MORN5: variants seen among roughly 807,000 people sequenced by gnomAD.
MORN5 encodes MORN repeat containing 5.
Under a neutral mutation model 22.1 loss-of-function variants are expected in MORN5, and 21 were observed. That is an observed-to-expected ratio of 0.95 (90% CI 0.67 to 1.37). The LOEUF is 1.37. Ranked by LOEUF, MORN5 falls within the 40% of genes most tolerant of loss-of-function variation. The pLI is 0.00. For missense variants in MORN5, 211 were observed against 215.1 expected (o/e 0.98, Z 0.12); for synonymous variants, 73 against 74.0 (o/e 0.99, Z 0.07).
chr9:122,199,384 C>T (rs2118796008), intron 4 of MORN5, among the ~76,000 whole-genome samples: 1 of 152,316 alleles, frequency 6.6e-6, no homozygotes, highest in South Asian at 2.1e-4. Flanking sequence ...CTGCCCCTCT[C>T]CGTTCCCCAC....
At chr9:122,160,862 T>C (rs1829186785) in intron 1 of MORN5, among the ~76,000 whole-genome samples, 1 of 152,166 alleles carries the variant, frequency 6.6e-6, no homozygotes, top group Admixed American at 6.5e-5. Context: ...AGTGATCCTC[T>C]TGCATGAGCC....
Position 122,159,987 on chromosome 9 carries a change from G to A in MORN5, c.15G>A (p.Gly5=). ...AAACAGGCGCCATGGAGTACACAGG[G>A]AGCAAATATATCGGGGAATATGTAG... MEYT[G]SKYIGEYVDG... The change falls in exon 1 of 5, where the codon GGG becomes GGA. Residue 5 remains glycine (G), a synonymous_variant. Transcript: ENST00000373764. The A allele has an allele frequency of 6.2e-7, 1 of 1,614,070 alleles. No homozygotes were observed. The highest frequency in any genetic ancestry group is 8.5e-7 in the Non-Finnish European group (1 of 1,179,998).
At chr9:122,196,744 A>G (rs1829901822) in intron 4 of MORN5, among the ~76,000 whole-genome samples, 1 of 152,140 alleles carries the variant, frequency 6.6e-6, no homozygotes, top group Admixed American at 6.5e-5. Flanking sequence ...CAGGGCTATT[A>G]TTCACATTTC....
intron 4 of MORN5, among the ~76,000 whole-genome samples, chr9:122,176,096 C>CGACAGAGCA (rs1829447685): frequency 7.4e-6 from 1 of 134,364 alleles, no homozygotes; most frequent in Non-Finnish European, 1.5e-5. Flanking sequence ...CCAGCCTGGG[C>CGACAGAGCA]GACAGAGCAA....
chr9:122,189,649 C>T (rs1236894674), intron 4 of MORN5, among the ~76,000 whole-genome samples: 2 of 152,026 alleles, frequency 1.3e-5, no homozygotes, highest in African/African-American at 4.8e-5. Flanking sequence ...CTCTGTCGCC[C>T]AGGCTGGAGT....
At position 122,190,421 on chromosome 9, in the gene MORN5, G is replaced by T. The variant is rs138200875; in HGVS notation, c.440-9464G>T. 5.9e-3 allele frequency among the ~76,000 whole-genome samples: 900 copies of T among 152,348 alleles called. 9 individuals are homozygous for T. Among genetic ancestry groups the T allele is most frequent in the African/African-American group, 0.021 (873 of 41,584 alleles). ...GCATACTGGAGAATTCTCGAAAAAT[G>T]AGGAAATTGAGCCTACAATTGGATT... is the stretch of plus-strand genomic sequence containing the variant. On this transcript the variant is annotated intron_variant, in intron 4 of 4. Coordinates refer to ENST00000373764, the MANE Select transcript of MORN5 (RefSeq NM_198469.4).
At chr9:122,168,099 C>T (rs1227985150) in intron 2 of MORN5, among the ~76,000 whole-genome samples, 2 of 152,214 alleles carry the variant, frequency 1.3e-5, no homozygotes, top group African/African-American at 4.8e-5. Context: ...TCCCTCTTGC[C>T]ATGTAAAGTA....
In MORN5 at chr9:122,166,791, T is replaced by A; in HGVS notation, c.71T>A (p.Ile24Asn). The change falls in exon 2 of 5, where the codon ATC (isoleucine) becomes AAC (asparagine). Residue 24 changes from isoleucine (I) to asparagine (N), a missense_variant. Physicochemically the swap from Ile to Asn is moderately radical, Grantham distance 149. Coordinates refer to ENST00000373764, the MANE Select transcript of MORN5 (RefSeq NM_198469.4). Reference sequence around the variant, plus strand: ...AGGATGGAGGGCAAAGCCAAGTACATCCTCCCTACCGAAACAATATATGTT... The same window carrying A: ...AGGATGGAGGGCAAAGCCAAGTACAACCTCCCTACCGAAACAATATATGTT... ...DGRMEGKAKY[I>N]LPTETIYVGE... is the part of the protein sequence containing the mutation. 1 of 1,613,590 alleles carries A rather than the reference T, an allele frequency of 6.2e-7. No individual in the cohort carries two copies. The highest frequency in any genetic ancestry group is 8.5e-7 in the Non-Finnish European group (1 of 1,179,822).
chr9:122,175,030 C>T (rs1231574263), intron 4 of MORN5: 5 of 229,956 alleles, frequency 2.2e-5, no homozygotes, highest in African/African-American at 1.2e-4. Flanking sequence ...CAGAGAAGTA[C>T]TATAAACAGT....
rs1450675983 is a variant in MORN5 at position 122,179,163 on chromosome 9, A to G, written c.439+4536A>G. Among the ~76,000 whole-genome samples the G allele has an allele frequency of 5.3e-5, 8 of 152,204 alleles. No homozygotes were observed. The East Asian group carries it at 1.5e-3, about 29-fold the overall frequency. On this transcript the variant is annotated intron_variant, in intron 4 of 4. Coordinates refer to ENST00000373764, the MANE Select transcript of MORN5 (RefSeq NM_198469.4). ...AAAAGGATTACAGTTGGGAGAAGAC[A>G]TGTCATAAATAGGGAGCTCCAAGTA...
intron 4 of MORN5, among the ~76,000 whole-genome samples, chr9:122,195,867 AT>A (rs1829875561): frequency 6.6e-6 from 1 of 152,100 alleles, no homozygotes; most frequent in African/African-American, 2.4e-5. Context: ...GTCTATTCTG[AT>A]TTTTATGCAT....
chr9:122,192,454 T>C (rs1487056927), intron 4 of MORN5, among the ~76,000 whole-genome samples: 2 of 152,218 alleles, frequency 1.3e-5, no homozygotes, highest in East Asian at 3.8e-4. Context: ...CATGCCACAC[T>C]GCCCCCTCCC....
At chr9:122,188,802 T>A (rs2118779218) in intron 4 of MORN5, among the ~76,000 whole-genome samples, 1 of 152,356 alleles carries the variant, frequency 6.6e-6, no homozygotes, top group Non-Finnish European at 1.5e-5. Context: ...TCAGCACACA[T>A]GCGTTCTGCA....
rs1829693305 is a variant in MORN5, at chr9:122,188,599, G to A, written c.440-11286G>A. Among the ~76,000 whole-genome samples the A allele has an allele frequency of 2.0e-5, 3 of 152,234 alleles. No individual in the cohort carries two copies. The South Asian group carries it at 6.2e-4, about 31-fold the overall frequency. ...GCAGAGGGTCAACGCAGAGGCTGTGGGGTCAGGCCAACAGAGTGACCTTGG... is the reference window on the plus strand; with the variant it reads ...GCAGAGGGTCAACGCAGAGGCTGTGAGGTCAGGCCAACAGAGTGACCTTGG... On this transcript the variant is annotated intron_variant, in intron 4 of 4. Transcript: ENST00000373764.
chr9:122,170,084 G>A (rs994410039), intron 3 of MORN5, among the ~76,000 whole-genome samples: 1 of 152,120 alleles, frequency 6.6e-6, no homozygotes, highest in Non-Finnish European at 1.5e-5. Context: ...GATCACTTGA[G>A]GTCAGGACTT....
At chr9:122,166,499 A>AG (rs1375159293) in intron 1 of MORN5, among the ~76,000 whole-genome samples, 1 of 151,972 alleles carries the variant, frequency 6.6e-6, no homozygotes, top group African/African-American at 2.4e-5. Context: ...TGGGCCTACT[A>AG]GGGGGGTTTA....
chr9:122,176,136 A>C (rs888460358), intron 4 of MORN5, among the ~76,000 whole-genome samples: 1 of 151,710 alleles, frequency 6.6e-6, no homozygotes, highest in African/African-American at 2.4e-5. Context: ...AAAAAAAAAA[A>C]AGAGCAAGGA....
chr9:122,190,822 G>A (rs1829745295), intron 4 of MORN5, among the ~76,000 whole-genome samples: 1 of 152,280 alleles, frequency 6.6e-6, no homozygotes, highest in Admixed American at 6.5e-5. Context: ...AGTGGTGATG[G>A]GGATGCCTGG....
chr9:122,165,646 G>C (rs1588300766), intron 1 of MORN5, among the ~76,000 whole-genome samples: 1 of 152,142 alleles, frequency 6.6e-6, no homozygotes, highest in African/African-American at 2.4e-5. Context: ...TTGTTCTCCT[G>C]TATGAGCCTG....
Sources: allele counts gnomAD v4.1 joint callset (sites outside exome capture counted in the v4.1 genomes callset), GRCh38; gene constraint gnomAD v4.1.1; transcripts MANE v1.5; gene names NCBI Gene and HGNC (gene_info 2026-07-23, HGNC 2026-07-21).